Variants in SYCE2 observed in about 807,000 individuals in gnomAD.
SYCE2 encodes synaptonemal complex central element protein 2, also known as central element synaptonemal complex 1.
A neutral mutation model predicts 27.9 loss-of-function variants in SYCE2; 3 were observed. The observed-to-expected ratio is 0.11, with a 90% confidence interval of 0.05 to 0.28. The LOEUF is 0.28. Among genes scored for constraint, SYCE2 ranks in the 10% least tolerant of loss-of-function variants. The pLI is 1.00. For missense variants in SYCE2, 207 were observed against 263.5 expected (o/e 0.79, Z 1.48); for synonymous variants, 85 against 100.7 (o/e 0.84, Z 0.93).
intron 4 of SYCE2, 145 bp from the exon 5 acceptor site, chr19:12,900,265 G>A: frequency 2.6e-6 from 3 of 1,148,224 alleles, no homozygotes; most frequent in South Asian, 1.6e-5. Context: ...ACATGACAAC[G>A]GTTTGGCTTC....
At chr19:12,918,908 G>A (rs1378913663) in intron 1 of SYCE2, among the ~76,000 whole-genome samples, 2 of 150,176 alleles carry the variant, frequency 1.3e-5, no homozygotes, top group Admixed American at 6.7e-5. Context: ...CCGAGATCAC[G>A]CCACTGCACT....
chr19:12,903,777 T>C (rs1970886838), intron 3 of SYCE2, among the ~76,000 whole-genome samples: 1 of 152,126 alleles, frequency 6.6e-6, no homozygotes, highest in Non-Finnish European at 1.5e-5. Flanking sequence ...TTTTTATTTT[T>C]AGTAGAGACG....
intron 2 of SYCE2, among the ~76,000 whole-genome samples, chr19:12,907,714 C>A (rs920064919): frequency 6.6e-6 from 1 of 152,302 alleles, no homozygotes; most frequent in Admixed American, 6.5e-5. Context: ...TCGCTTGAAC[C>A]TGGGAGGCAG....
Position 12,899,767 on chromosome 19 carries a change from A to G in SYCE2, c.612+237T>C, listed in dbSNP as rs765088211. 1.3e-5 allele frequency: 21 copies of G among 1,606,708 alleles called. No individual in the cohort carries two copies. In the East Asian group the frequency reaches 3.3e-4, roughly 26 times the overall value. Reference sequence around the variant, plus strand: ...AGAGCGTCTCAATCCACTTTTAACCATGGATGAGAGCAGACTCCATTTACC... The same window carrying G: ...AGAGCGTCTCAATCCACTTTTAACCGTGGATGAGAGCAGACTCCATTTACC... On this transcript the variant is annotated intron_variant, in intron 5 of 5. Coordinates refer to ENST00000293695, the MANE Select transcript of SYCE2 (RefSeq NM_001105578.2).
chr19:12,900,306 C>A, intron 4 of SYCE2, 154 bp downstream of exon 4: 1 of 1,074,544 alleles, frequency 9.3e-7, no homozygotes. Flanking sequence ...TATAGGGGAT[C>A]ACAAACAAGA....
rs865978166 is a variant in SYCE2 at position 12,900,703 on chromosome 19, A to G, written c.307-55T>C. 34 of 1,507,446 alleles carry G rather than the reference A, an allele frequency of 2.3e-5. No homozygotes were observed. In the African/African-American group the frequency reaches 2.6e-4, roughly 12 times the overall value. 93.4% of individuals were successfully genotyped at this position (1,507,446 alleles called of 1,614,324 possible). The stretch of plus-strand genomic sequence containing the variant: ...AATCAAACAAGAGGTATCACAAGAC[A>G]TCTGTGTTAAGTGGGTTTCTTAGAT... On this transcript the variant is annotated intron_variant, in intron 3 of 5. Transcript: ENST00000293695.
Position 12,918,317 on chromosome 19 carries a change from T to C in SYCE2, c.36A>G (p.Lys12=). The C allele has an allele frequency of 1.2e-6, 2 of 1,614,110 alleles. No individual in the cohort carries two copies. The highest frequency in any genetic ancestry group is 1.7e-6 in the Non-Finnish European group (2 of 1,180,008). The change falls in exon 2 of 6, where the codon AAA becomes AAG. Residue 12 remains lysine, a synonymous_variant. Transcript: ENST00000293695. The stretch of plus-strand genomic sequence containing the variant: ...AGGGCTGCGGTTCCTGGTCTTTGCA[T>C]TTCACATGGGGCACGTCCACCTGCA... ...ERQGVDVPHV[K]CKDQEPQPLG...
chr19:12,906,419 C>T (rs1257388339), intron 2 of SYCE2, among the ~76,000 whole-genome samples: 3 of 152,162 alleles, frequency 2.0e-5, no homozygotes, highest in Non-Finnish European at 4.4e-5. Context: ...AGAAGAGTGA[C>T]AGCTATCTAA....
At chr19:12,899,645 T>C in intron 5 of SYCE2, 1 of 1,612,606 alleles carries the variant, frequency 6.2e-7, no homozygotes, top group Non-Finnish European at 8.5e-7. Flanking sequence ...AGGTGGCGGA[T>C]GGAGTGGGAA....
rs772335144 is a variant in SYCE2 at position 12,899,987 on chromosome 19, G to A, written c.612+17C>T. 1.4e-5 allele frequency: 22 copies of A among 1,612,736 alleles called. No individual in the cohort carries two copies. In the East Asian group the frequency reaches 1.8e-4, roughly 13 times the overall value. On this transcript the variant is annotated intron_variant, in intron 5 of 5. Transcript: ENST00000293695. ...ACATCTGACCCCAAGGTGTCAGGCC[G>A]GTTTACTGGTAACCACCTGAGAAGT... is the stretch of plus-strand genomic sequence containing the variant.
At chr19:12,909,490 C>T (rs980291213) in intron 2 of SYCE2, among the ~76,000 whole-genome samples, 2 of 152,176 alleles carry the variant, frequency 1.3e-5, no homozygotes, top group Non-Finnish European at 2.9e-5. Flanking sequence ...AGCCTAGAGT[C>T]CAGCTTCTCT....
intron 2 of SYCE2, among the ~76,000 whole-genome samples, chr19:12,911,220 T>C (rs1047497057): frequency 1.6e-4 from 25 of 151,936 alleles, no homozygotes; most frequent in African/African-American, 5.6e-4. Context: ...CAAAAAATCC[T>C]GCCTCGGCCC....
chr19:12,916,525 C>A (rs1971142795), intron 2 of SYCE2, among the ~76,000 whole-genome samples: 1 of 152,172 alleles, frequency 6.6e-6, no homozygotes, highest in African/African-American at 2.4e-5. Context: ...TCCAACTGCT[C>A]TAAGGTCCCT....
At chr19:12,909,660 G>A (rs1408532134) in intron 2 of SYCE2, among the ~76,000 whole-genome samples, 3 of 151,892 alleles carry the variant, frequency 2.0e-5, no homozygotes, top group Admixed American at 1.3e-4. Flanking sequence ...TCCGCCTCCC[G>A]GGTTCAAGCG....
At chr19:12,908,116 G>A (rs1970971898) in intron 2 of SYCE2, among the ~76,000 whole-genome samples, 1 of 151,896 alleles carries the variant, frequency 6.6e-6, no homozygotes, top group Admixed American at 6.6e-5. Context: ...ACTCCAGCCT[G>A]GGCGACAGAG....
At chr19:12,902,507 C>A (rs1178834876) in intron 3 of SYCE2, among the ~76,000 whole-genome samples, 1 of 152,084 alleles carries the variant, frequency 6.6e-6, no homozygotes, top group African/African-American at 2.4e-5. Context: ...TGGTGGTGCA[C>A]ACCTGTAGTC....
chr19:12,918,928 G>A lies in SYCE2; in HGVS notation c.15+315C>T, dbSNP rs1198062033. On this transcript the variant is annotated intron_variant, in intron 1 of 5. Coordinates refer to ENST00000293695, the MANE Select transcript of SYCE2 (RefSeq NM_001105578.2). ...ATCACGCCACTGCACTCCAGACTGG[G>A]CGACAGAGTGATACTTCGTCTCAAA... 1.3e-4 allele frequency among the ~76,000 whole-genome samples: 20 copies of A among 150,068 alleles called. 1 individual carries two copies. Among genetic ancestry groups the A allele is most frequent in the Non-Finnish European group, 3.0e-5 (2 of 67,662 alleles).
chr19:12,910,052 A>G (rs927877166), intron 2 of SYCE2, among the ~76,000 whole-genome samples: 4 of 151,876 alleles, frequency 2.6e-5, no homozygotes, highest in Non-Finnish European at 5.9e-5. Flanking sequence ...TTTTTAGTAG[A>G]GACGGGGTTT....
At position 12,899,805 on chromosome 19, in the gene SYCE2, C is replaced by G. The variant is rs1248341536; in HGVS notation, c.612+199G>C. The G allele has an allele frequency of 5.7e-6, 9 of 1,585,538 alleles. No individual in the cohort carries two copies. The East Asian group carries it at 1.8e-4, about 32-fold the overall frequency. On this transcript the variant is annotated intron_variant, in intron 5 of 5. Coordinates refer to ENST00000293695, the MANE Select transcript of SYCE2 (RefSeq NM_001105578.2). ...GACTCCATTTACCCTGAAATAGCAGCTTCTCTTGAGAGGAGAGTGACATGG... is the reference window on the plus strand; with the variant it reads ...GACTCCATTTACCCTGAAATAGCAGGTTCTCTTGAGAGGAGAGTGACATGG...
Sources: gnomAD v4.1 joint callset for allele counts (sites outside exome capture counted in the v4.1 genomes callset) on GRCh38, gnomAD v4.1.1 for gene constraint, MANE v1.5 for transcripts, NCBI Gene and HGNC (gene_info 2026-07-23, HGNC 2026-07-21) for gene names.